Variants in LRRK1 observed in about 807,000 individuals in gnomAD.
LRRK1 encodes the protein leucine rich repeat kinase 1, also known as leucine-rich repeat serine/threonine-protein kinase 1.
Under a neutral mutation model 209.1 loss-of-function variants are expected in LRRK1, and 113 were observed. That is an observed-to-expected ratio of 0.54 (90% confidence interval 0.46 to 0.63). LRRK1 has a LOEUF of 0.63. Among genes scored for constraint, LRRK1 ranks in the 30% least tolerant of loss-of-function variants. LRRK1 has a pLI of 0.00. For synonymous variants in LRRK1, 1,144 were observed against 1,099.7 expected, an observed-to-expected ratio of 1.04 and a Z score of -0.80; for missense variants, 2,284 against 2,632.2, an observed-to-expected ratio of 0.87 and a Z score of 2.89.
chr15:100,973,221 G>A (rs1409668852), intron 2 of LRRK1, among the ~76,000 whole-genome samples: 3 of 152,242 alleles, frequency 2.0e-5, no homozygotes, highest in Non-Finnish European at 4.4e-5. Flanking sequence ...CGGATGACCG[G>A]GAGCAGCCCA....
intron 2 of LRRK1, among the ~76,000 whole-genome samples, chr15:100,973,521 C>A (rs976925704): frequency 2.0e-5 from 3 of 152,140 alleles, no homozygotes; most frequent in African/African-American, 7.2e-5. Flanking sequence ...CGCTCCCCCG[C>A]GGGCCGCTGT....
intron 12 of LRRK1, among the ~76,000 whole-genome samples, chr15:101,017,127 C>G (rs1157544105): frequency 6.6e-6 from 1 of 152,208 alleles, no homozygotes; most frequent in Admixed American, 6.5e-5. Context: ...AACCAGAACC[C>G]ACATCCAGGT....
intron 2 of LRRK1, among the ~76,000 whole-genome samples, chr15:100,966,437 C>T (rs571095498): frequency 1.2e-4 from 18 of 152,234 alleles, no homozygotes; most frequent in South Asian, 4.2e-4. Context: ...ATTCCCATCA[C>T]GCAGGTCTTG....
Position 101,056,956 on chromosome 15 carries a change from A to G in LRRK1, c.4433A>G (p.Lys1478Arg), listed in dbSNP as rs755499854. ...HQLQIAKKLS[K>R]GIRPVLGQPE... ...CTCCAGATTGCCAAGAAGCTGTCCA[A>G]GGGCATCCGCCCGGTTCTGGGGCAG... Residue 1478 changes from lysine (K) to arginine (R), a missense_variant, in exon 28 of 34, where the codon AAG (lysine) becomes AGG (arginine). By Grantham distance (26) the Lys-to-Arg change is conservative. Around this residue, in one of 6 missense-constraint regions of LRRK1, gnomAD observed 59 missense variants for 103.8 expected, o/e 0.57. Transcript: ENST00000388948. 13 of 1,614,076 alleles carry G rather than the reference A, an allele frequency of 8.1e-6. No homozygotes were observed. The highest frequency in any genetic ancestry group is 6.7e-5 in the East Asian group (3 of 44,902).
At chr15:100,974,392 G>C (rs981791187) in intron 3 of LRRK1, among the ~76,000 whole-genome samples, 1 of 152,082 alleles carries the variant, frequency 6.6e-6, no homozygotes, top group African/African-American at 2.4e-5. Context: ...CCACTTAACA[G>C]TTTTGCTGTA....
intron 10 of LRRK1, among the ~76,000 whole-genome samples, chr15:101,012,446 G>A (rs1392098906): frequency 6.6e-6 from 1 of 152,206 alleles, no homozygotes; most frequent in Non-Finnish European, 1.5e-5. Flanking sequence ...TCCAGGAAGG[G>A]CCTTTCCACG....
chr15:101,049,565 G>A (rs910354762), intron 22 of LRRK1, 79 bp from the exon 23 acceptor site: 2 of 1,540,424 alleles, frequency 1.3e-6, no homozygotes, highest in South Asian at 2.5e-5. Context: ...GTTGGTTCCT[G>A]TCCCTGGGGG....
At position 101,014,443 on chromosome 15, in the gene LRRK1, C is replaced by G. The variant is rs749241785; in HGVS notation, c.1532+15C>G. Reference sequence around the variant, plus strand: ...CAACTTGGCAAGTAAGCAGGGGCCTCTCCTCCCTGGCCAGTTCCAAAGCGT... The same window carrying G: ...CAACTTGGCAAGTAAGCAGGGGCCTGTCCTCCCTGGCCAGTTCCAAAGCGT... On this transcript the variant is annotated intron_variant, in intron 11 of 33. Coordinates refer to ENST00000388948, the MANE Select transcript of LRRK1 (RefSeq NM_024652.6). 2.6e-6 allele frequency: 4 copies of G among 1,559,830 alleles called. No individual in the cohort carries two copies. The highest frequency in any genetic ancestry group is 1.7e-4 in the Middle Eastern group (1 of 5,946).
chr15:100,923,184 C>T (rs149553557), intron 1 of LRRK1, among the ~76,000 whole-genome samples: 1 of 152,266 alleles, frequency 6.6e-6, no homozygotes, highest in East Asian at 1.9e-4. Flanking sequence ...AGAAACTTCA[C>T]TTTGGTTGAA....
At chr15:100,934,985 C>T (rs1001413132) in intron 2 of LRRK1, among the ~76,000 whole-genome samples, 1 of 152,112 alleles carries the variant, frequency 6.6e-6, no homozygotes, top group African/African-American at 2.4e-5. Context: ...CACAGGAAGG[C>T]TGGGAAGAAG....
chr15:100,988,542 C>G (rs141577183), intron 4 of LRRK1, 92 bp from the exon 5 acceptor site: 2 of 1,129,604 alleles, frequency 1.8e-6, no homozygotes, highest in Non-Finnish European at 2.7e-6. Flanking sequence ...TTTAACCAGT[C>G]CATTGCTACT....
intron 20 of LRRK1, among the ~76,000 whole-genome samples, chr15:101,033,773 T>A (rs933818373): frequency 6.6e-6 from 1 of 152,228 alleles, no homozygotes; most frequent in African/African-American, 2.4e-5. Context: ...TTCCTTTGTA[T>A]AAATACCCAC....
At chr15:101,009,197 C>G (rs1162341930) in intron 7 of LRRK1, 134 bp downstream of exon 7, 2 of 711,020 alleles carry the variant, frequency 2.8e-6, no homozygotes, top group Non-Finnish European at 4.7e-6. Flanking sequence ...GGAGTTTTGC[C>G]TACCCTGAGG....
chr15:101,023,804 C>G (rs2033902391), intron 15 of LRRK1, among the ~76,000 whole-genome samples: 1 of 152,186 alleles, frequency 6.6e-6, no homozygotes, highest in Non-Finnish European at 1.5e-5. Context: ...TGAAGCGCTG[C>G]CTGTTGGGGC....
chr15:101,054,703 T>TGAGGC (rs1395941911), intron 26 of LRRK1, among the ~76,000 whole-genome samples: 1 of 152,010 alleles, frequency 6.6e-6, no homozygotes, highest in Non-Finnish European at 1.5e-5. Context: ...GCTACTCAAC[T>TGAGGC]TGGGAGGCTG....
At chr15:101,002,364 T>C (rs563093259) in intron 6 of LRRK1, among the ~76,000 whole-genome samples, 2 of 152,350 alleles carry the variant, frequency 1.3e-5, no homozygotes, top group East Asian at 3.9e-4. Flanking sequence ...ACCACTGCCG[T>C]GGAAAACAAG....
rs2037001767 is a variant in LRRK1 at position 101,076,771 on chromosome 15, T to C, written c.*7923T>C. 1 of 152,462 alleles carries C rather than the reference T, an allele frequency of 6.6e-6. No homozygotes were observed. The highest frequency in any genetic ancestry group is 1.5e-5 in the Non-Finnish European group (1 of 68,260). The allele number at this position is 152,462 out of a possible 1,614,324, so 9.4% of individuals were successfully genotyped here. A position where few individuals can be genotyped will look rare whatever the true frequency, so the allele number is the denominator to read the frequency against. On this transcript the variant is annotated 3_prime_UTR_variant, in exon 34 of 34. Transcript: ENST00000388948. ...TCCACCCAGGACTGGCAAATTGACT[T>C]TACTCAACATGCCCCGAGTCAGATA...
intron 2 of LRRK1, among the ~76,000 whole-genome samples, chr15:100,935,643 G>A (rs1420542371): frequency 6.6e-6 from 1 of 152,158 alleles, no homozygotes; most frequent in African/African-American, 2.4e-5. Context: ...AGCAGTGGGA[G>A]GAAGAGAATG....
intron 21 of LRRK1, among the ~76,000 whole-genome samples, chr15:101,046,527 A>G (rs2035084951): frequency 6.6e-6 from 1 of 152,220 alleles, no homozygotes; most frequent in African/African-American, 2.4e-5. Flanking sequence ...CCCCGAGGTG[A>G]TGCCGCCGGC....
Sources: gnomAD v4.1 joint callset for allele counts (sites outside exome capture counted in the v4.1 genomes callset) on GRCh38, gnomAD v4.1.1 for gene constraint, gnomAD v4.1.1 regional missense constraint, MANE v1.5 for transcripts, NCBI Gene and HGNC (gene_info 2026-07-23, HGNC 2026-07-21) for gene names.